The following CAMSAP3 variants were observed in gnomAD, a reference collection of about 807,000 sequenced individuals.
CAMSAP3 encodes calmodulin regulated spectrin associated protein family member 3.
CAMSAP3 carries 34 observed loss-of-function variants against 112.5 expected under a neutral mutation model. That is an observed-to-expected ratio of 0.30 (90% CI 0.23 to 0.40). CAMSAP3 has a LOEUF of 0.40. Ranked by LOEUF, CAMSAP3 falls within the 10% of genes least tolerant of loss-of-function variation. CAMSAP3 has a pLI of 1.00. For synonymous variants in CAMSAP3, 868 were observed against 799.8 expected (o/e 1.09, Z -1.44); for missense variants, 1,602 against 1,770.3 (o/e 0.90, Z 1.71).
rs1264629333 is a variant in CAMSAP3, at chr19:7,611,059, G to T, written c.1050-36G>T. On this transcript the variant is annotated intron_variant, in intron 8 of 16. Coordinates refer to ENST00000160298, the MANE Select transcript of CAMSAP3 (RefSeq NM_020902.2). The surrounding 1 kb of genome is among the most constrained non-coding windows in gnomAD (Gnocchi z 6.9). ...CCCGGGGAGAGGCGGAGGAGGAGGT[G>T]GGGGTCCTGAGGCTGAAGTACGTCT... 7 of 1,611,424 alleles carry T rather than the reference G, an allele frequency of 4.3e-6. No homozygotes were observed. The highest frequency in any genetic ancestry group is 5.9e-6 in the Non-Finnish European group (7 of 1,178,098).
chr19:7,612,003 G>A lies in CAMSAP3; in HGVS notation c.1510G>A (p.Gly504Arg), dbSNP rs1351977712. ...PSLASPYLPE[G>R]TSKPLSDRPT... Reference sequence around the variant, plus strand: ...CCTGGCCTCCCCCTACCTGCCCGAGGGGACCTCCAAACCACTGTCCGACAG... The same window carrying A: ...CCTGGCCTCCCCCTACCTGCCCGAGAGGACCTCCAAACCACTGTCCGACAG... The change falls in exon 11 of 17, where the codon GGG becomes AGG. Residue 504 changes from glycine (G) to arginine (R), a missense_variant. By Grantham distance (125) the Gly-to-Arg change is moderately radical (BLOSUM62 -2). Transcript: ENST00000160298. 6.2e-7 allele frequency: 1 copy of A among 1,612,814 alleles called. No individual in the cohort carries two copies. The highest frequency in any genetic ancestry group is 8.5e-7 in the Non-Finnish European group (1 of 1,179,918).
intron 1 of CAMSAP3, among the ~76,000 whole-genome samples, chr19:7,599,379 T>C (rs1376294312): frequency 9.0e-6 from 1 of 111,158 alleles, no homozygotes; most frequent in African/African-American, 3.6e-5. Flanking sequence ...CACTCATCCA[T>C]CCATCCACCC....
chr19:7,606,049 T>C (rs114772781), intron 2 of CAMSAP3, among the ~76,000 whole-genome samples: 1 of 152,166 alleles, frequency 6.6e-6, no homozygotes, highest in Non-Finnish European at 1.5e-5. Context: ...GCCTAGCATC[T>C]GACCTCAAAG....
Position 7,617,670 on chromosome 19 carries a change from G to A in CAMSAP3, c.3444+9G>A, listed in dbSNP as rs748411689. On this transcript the variant is annotated intron_variant, in intron 16 of 16. Coordinates refer to ENST00000160298, the MANE Select transcript of CAMSAP3 (RefSeq NM_020902.2). This position sits in a 1 kb window ranked among gnomAD's most constrained non-coding sequence, Gnocchi z 7.5. ...AGAATCGCATTCTGGAGGTGAGCCC[G>A]CCCACACGTGGGAGTTGGGGGCTGG... 3.0e-5 allele frequency: 48 copies of A among 1,613,566 alleles called. 1 individual carries two copies. The highest frequency in any genetic ancestry group is 1.8e-4 in the East Asian group (8 of 44,890).
chr19:7,612,143 G>T lies in CAMSAP3; in HGVS notation c.1650G>T (p.Ala550=), dbSNP rs551166939. ...PPAPSEGSPK[A]VASSPAATNS... ...CCCCATCCGAGGGGTCCCCGAAGGC[G>T]GTGGCTTCGTCCCCAGCAGCCACCA... The change falls in exon 11 of 17, where the codon GCG becomes GCT. Residue 550 remains alanine, a synonymous_variant. Coordinates refer to ENST00000160298, the MANE Select transcript of CAMSAP3 (RefSeq NM_020902.2). 8 of 1,612,474 alleles carry T rather than the reference G, an allele frequency of 5.0e-6. No homozygotes were observed. The South Asian group carries it at 6.6e-5, about 13-fold the overall frequency.
chr19:7,607,887 C>G lies in CAMSAP3; in HGVS notation c.622-239C>G. 1 of 1,059,222 alleles carries G rather than the reference C, an allele frequency of 9.4e-7. No homozygotes were observed. The highest frequency in any genetic ancestry group is 1.4e-5 in the South Asian group (1 of 70,748). The allele number at this position is 1,059,222 out of a possible 1,614,324, so 65.6% of individuals were successfully genotyped here. On this transcript the variant is annotated intron_variant, in intron 4 of 16. Transcript: ENST00000160298. The surrounding 1 kb of genome is among the most constrained non-coding windows in gnomAD (Gnocchi z 4.9). ...CCCCATGGTAATGTATCCCCCGCCC[C>G]GGGGTCCCAGGAGTCCCTGTCCCCA...
chr19:7,612,585 G>A lies in CAMSAP3; in HGVS notation c.2092G>A (p.Glu698Lys). 3.3e-6 allele frequency: 5 copies of A among 1,533,832 alleles called. No homozygotes were observed. In the South Asian group the frequency reaches 6.0e-5, roughly 18 times the overall value. The change falls in exon 11 of 17, where the codon GAA becomes AAA. Residue 698 changes from glutamate (E) to lysine (K), a missense_variant. Coordinates refer to ENST00000160298, the MANE Select transcript of CAMSAP3 (RefSeq NM_020902.2). Reference sequence around the variant, plus strand: ...CCCGGTGCCCCACGAGGGGCTGGGGGAATACAATCGAGCGGTCAGCAAGCT... The same window carrying A: ...CCCGGTGCCCCACGAGGGGCTGGGGAAATACAATCGAGCGGTCAGCAAGCT... The part of the protein sequence containing the change: ...LGPVPHEGLG[E>K]YNRAVSKLSA...
intron 11 of CAMSAP3, among the ~76,000 whole-genome samples, chr19:7,613,580 C>T (rs1217215540): frequency 2.6e-5 from 4 of 151,568 alleles, no homozygotes; most frequent in Non-Finnish European, 5.9e-5. Flanking sequence ...TCATGTCCCT[C>T]CCAAACAAGG....
chr19:7,606,158 C>CCCA lies in CAMSAP3; in HGVS notation c.403-111_403-110insACC, dbSNP rs1036392325. On this transcript the variant is annotated intron_variant, in intron 2 of 16. Coordinates refer to ENST00000160298, the MANE Select transcript of CAMSAP3 (RefSeq NM_020902.2). ...CTGGCCCCGCCCCCTCAAGCCCCACCCCCCCCGTCAAGTCCCTCCCATCTG... is the reference window on the plus strand; with the variant it reads ...CTGGCCCCGCCCCCTCAAGCCCCACCCCACCCCCCGTCAAGTCCCTCCCATCTG... The CCCA allele has an allele frequency of 1.1e-5, 7 of 611,950 alleles. 1 individual carries two copies. Among genetic ancestry groups the CCCA allele is most frequent in the African/African-American group, 1.9e-5 (1 of 52,228 alleles). The allele number at this position is 611,950 out of a possible 1,614,324, so 37.9% of individuals were successfully genotyped here.
chr19:7,601,160 T>C (rs1160717203), intron 1 of CAMSAP3, among the ~76,000 whole-genome samples: 2 of 152,140 alleles, frequency 1.3e-5, no homozygotes, highest in Non-Finnish European at 2.9e-5. Flanking sequence ...GTAAAATATC[T>C]TATGAATAAT....
Position 7,611,818 on chromosome 19 carries a change from C to T in CAMSAP3, c.1325C>T (p.Pro442Leu), listed in dbSNP as rs769372763. 1.4e-5 allele frequency: 22 copies of T among 1,589,522 alleles called. 1 individual carries two copies. The Admixed American group carries it at 1.7e-4, about 12-fold the overall frequency. The change falls in exon 11 of 17, where the codon CCG becomes CTG. Residue 442 changes from proline to leucine, a missense_variant. This residue lies in a region of CAMSAP3 where 1,100 missense variants were observed against 1,135.7 expected (regional missense o/e 0.97). Coordinates refer to ENST00000160298, the MANE Select transcript of CAMSAP3 (RefSeq NM_020902.2). This position sits in a 1 kb window ranked among gnomAD's most constrained non-coding sequence, Gnocchi z 6.9. Reference sequence around the variant, plus strand: ...AGCCTGGGCCCCCCGCGTCCCGCGCCGGCCAGGACCCCCACCCAGCCACCC... The same window carrying T: ...AGCCTGGGCCCCCCGCGTCCCGCGCTGGCCAGGACCCCCACCCAGCCACCC... ...SDSLGPPRPAPARTPTQPPPE... is the reference protein window; with the variant it reads ...SDSLGPPRPALARTPTQPPPE...
At position 7,598,599 on chromosome 19, in the gene CAMSAP3, C is replaced by T. The variant is rs1240735840; in HGVS notation, c.148+2449C>T. Among the ~76,000 whole-genome samples, 5 of 152,210 alleles carry T rather than the reference C, an allele frequency of 3.3e-5. No individual in the cohort carries two copies. The South Asian group carries it at 8.3e-4, about 25-fold the overall frequency. On this transcript the variant is annotated intron_variant, in intron 1 of 16. Transcript: ENST00000160298. ...AGATAAGAAAGGGTTCCAAGCCTGG[C>T]CAACACGATGAATCCCCGTCTCTAC... is the stretch of plus-strand genomic sequence containing the variant.
At chr19:7,606,151 G>GCCCCCCCCCCCCCCCCCAA in intron 2 of CAMSAP3, 120 bp from the exon 3 acceptor site, 1 of 151,402 alleles carries the variant, frequency 6.6e-6, no homozygotes, top group Admixed American at 7.5e-5. Context: ...GCCCCCTCAA[G>GCCCCCCCCCCCCCCCCCAA]CCCCACCCCC....
chr19:7,597,698 G>A (rs2024468488), intron 1 of CAMSAP3, among the ~76,000 whole-genome samples: 1 of 152,230 alleles, frequency 6.6e-6, no homozygotes, highest in African/African-American at 2.4e-5. Context: ...ATGCGAAACG[G>A]TTGCTCGCTG....
intron 5 of CAMSAP3, 87 bp downstream of exon 5, chr19:7,608,351 C>T (rs1025799634): frequency 8.1e-6 from 12 of 1,488,528 alleles, no homozygotes; most frequent in African/African-American, 7.0e-5. Flanking sequence ...CCCAGGTCCG[C>T]GAGACCAGCA....
rs1476328117 is a variant in CAMSAP3, at chr19:7,611,120, C to T, written c.1075C>T (p.Pro359Ser). 4 of 1,613,620 alleles carry T rather than the reference C, an allele frequency of 2.5e-6. No individual in the cohort carries two copies. Among genetic ancestry groups the T allele is most frequent in the Admixed American group, 1.7e-5 (1 of 59,996 alleles). ...SSSPVFTFRH[P>S]LLSSGGPQSP... is the part of the protein sequence containing the mutation. The stretch of plus-strand genomic sequence containing the variant: ...TTCTCCTGTCTTCACCTTCCGCCAC[C>T]CGCTTCTGTCATCTGGTGGCCCCCA... The change falls in exon 9 of 17, where the codon CCG becomes TCG. Residue 359 changes from proline (P) to serine (S), a missense_variant. Around this residue, in one of 6 missense-constraint regions of CAMSAP3, gnomAD observed 1,100 missense variants for 1,135.7 expected, o/e 0.97. Coordinates refer to ENST00000160298, the MANE Select transcript of CAMSAP3 (RefSeq NM_020902.2). This position sits in a 1 kb window ranked among gnomAD's most constrained non-coding sequence, Gnocchi z 6.9.
chr19:7,599,778 T>C (rs2146153120), intron 1 of CAMSAP3, among the ~76,000 whole-genome samples: 1 of 63,512 alleles, frequency 1.6e-5, no homozygotes, highest in Non-Finnish European at 3.0e-5. Flanking sequence ...CACCCACTCA[T>C]CCACCCGCCC....
intron 2 of CAMSAP3, 116 bp from the exon 3 acceptor site, chr19:7,606,155 C>CCCCCCCCCCCCCCCCCAA: frequency 1.4e-5 from 7 of 512,022 alleles, no homozygotes; most frequent in Admixed American, 2.7e-5. Context: ...CCTCAAGCCC[C>CCCCCCCCCCCCCCCCCAA]ACCCCCCCCG....
intron 1 of CAMSAP3, among the ~76,000 whole-genome samples, chr19:7,599,795 C>G (rs1198745129): frequency 1.6e-5 from 1 of 63,742 alleles, no homozygotes; most frequent in Non-Finnish European, 3.2e-5. Context: ...GCCCATCCAT[C>G]CACCCGCCCA....
Sources: gnomAD v4.1 joint callset for allele counts (sites outside exome capture counted in the v4.1 genomes callset) on GRCh38, gnomAD v4.1.1 for gene constraint, gnomAD v4.1.1 regional missense constraint, Gnocchi (gnomAD v3.1) non-coding constraint, MANE v1.5 for transcripts, NCBI Gene and HGNC (gene_info 2026-07-23, HGNC 2026-07-21) for gene names.